Variants in SHISA9 observed in about 807,000 individuals in gnomAD.
The protein encoded by SHISA9 is protein shisa-9.
A neutral mutation model predicts 38.0 loss-of-function variants in SHISA9; 13 were observed. That is an observed-to-expected ratio of 0.34 (90% CI 0.22 to 0.54). The LOEUF (loss-of-function observed/expected upper bound fraction) is 0.54. Ranked by LOEUF, SHISA9 falls within the 20% of genes least tolerant of loss-of-function variation. SHISA9 has a pLI of 0.91. For missense variants in SHISA9, 538 were observed against 575.8 expected, an observed-to-expected ratio of 0.93 and a Z score of 0.67; for synonymous variants, 275 against 242.0, an observed-to-expected ratio of 1.14 and a Z score of -1.27.
chr16:13,529,366 T>C, the SHISA9 span, among the ~76,000 whole-genome samples: 1 of 152,238 alleles, frequency 6.6e-6, no homozygotes, highest in Non-Finnish European at 1.5e-5. Flanking sequence ...TCCTTTCTGC[T>C]GACTCCAAGT....
chr16:13,031,645 G>A (rs1328123901), intron 2 of SHISA9, among the ~76,000 whole-genome samples: 1 of 152,110 alleles, frequency 6.6e-6, no homozygotes, highest in Non-Finnish European at 1.5e-5. Flanking sequence ...TGAATTTTAG[G>A]TCTGCCTCTC....
chr16:13,484,173 CA>C, the SHISA9 span, among the ~76,000 whole-genome samples: 7 of 152,132 alleles, frequency 4.6e-5, no homozygotes, highest in Admixed American at 1.3e-4. Flanking sequence ...GAAAAAAACC[CA>C]TATATTTGGT....
chr16:13,344,046 G>T, the SHISA9 span, among the ~76,000 whole-genome samples: 2 of 152,264 alleles, frequency 1.3e-5, no homozygotes, highest in East Asian at 3.9e-4. Flanking sequence ...ACAGCCTCAG[G>T]ACTACTCTCA....
At chr16:13,232,828 CT>C (rs1273217940) in intron 4 of SHISA9, among the ~76,000 whole-genome samples, 3 of 152,108 alleles carry the variant, frequency 2.0e-5, no homozygotes, top group Admixed American at 6.5e-5. Flanking sequence ...GACCAAGGTT[CT>C]TTTGAAGTCT....
the SHISA9 span, among the ~76,000 whole-genome samples, chr16:13,257,457 G>A: frequency 9.9e-5 from 15 of 152,020 alleles, no homozygotes; most frequent in Admixed American, 5.9e-4. Flanking sequence ...GACAATATCG[G>A]GTATACTGTC....
chr16:13,502,358 T>C, the SHISA9 span, among the ~76,000 whole-genome samples: 2 of 152,174 alleles, frequency 1.3e-5, no homozygotes, highest in African/African-American at 4.8e-5. Flanking sequence ...AATGTCCACG[T>C]GCCAGACGTA....
At position 13,105,410 on chromosome 16, in the gene SHISA9, C is replaced by G. The variant is rs144639031; in HGVS notation, c.692-97984C>G. 3.1e-3 allele frequency among the ~76,000 whole-genome samples: 469 copies of G among 152,298 alleles called. 1 individual carries two copies. Among genetic ancestry groups the G allele is most frequent in the African/African-American group, 0.011 (451 of 41,564 alleles). The stretch of plus-strand genomic sequence containing the variant: ...TTTCAGGCCATCACCCTCCCTCCCA[C>G]TTGCTTACCACAACAGGTCTTCTGG... On this transcript the variant is annotated intron_variant, in intron 2 of 4. Transcript: ENST00000558583.
chr16:13,124,649 A>G (rs1052332874), intron 2 of SHISA9, among the ~76,000 whole-genome samples: 3 of 152,200 alleles, frequency 2.0e-5, no homozygotes, highest in African/African-American at 7.2e-5. Flanking sequence ...CAAAAGACCC[A>G]GAATAGCCAA....
intron 2 of SHISA9, among the ~76,000 whole-genome samples, chr16:13,173,466 C>G (rs891778896): frequency 4.6e-5 from 3 of 65,816 alleles, no homozygotes; most frequent in Admixed American, 1.5e-4. Context: ...AGGACCTGTG[C>G]TGATAATAGG....
chr16:13,299,774 G>A, the SHISA9 span, among the ~76,000 whole-genome samples: 5 of 151,692 alleles, frequency 3.3e-5, no homozygotes, highest in Non-Finnish European at 7.4e-5. Context: ...TAACCATCCT[G>A]TAGAAATGGG....
chr16:13,099,965 G>A (rs1411133013), intron 2 of SHISA9, among the ~76,000 whole-genome samples: 3 of 152,170 alleles, frequency 2.0e-5, no homozygotes, highest in African/African-American at 4.8e-5. Flanking sequence ...ACCTTAGGCA[G>A]GCATCAAGAA....
chr16:12,964,388 T>A (rs1000832474), intron 2 of SHISA9, among the ~76,000 whole-genome samples: 3 of 151,836 alleles, frequency 2.0e-5, no homozygotes, highest in African/African-American at 2.4e-5. Flanking sequence ...CTTTCTGTTT[T>A]TTTTTTTTTC....
chr16:13,443,559 C>T, the SHISA9 span, among the ~76,000 whole-genome samples: 4 of 152,176 alleles, frequency 2.6e-5, no homozygotes, highest in South Asian at 2.1e-4. Flanking sequence ...TGATTGTTTT[C>T]GTTACTACGT....
chr16:13,335,070 C>G, the SHISA9 span, among the ~76,000 whole-genome samples: 1 of 152,184 alleles, frequency 6.6e-6, no homozygotes, highest in Non-Finnish European at 1.5e-5. Flanking sequence ...CAAATTAGTC[C>G]CATGGGGGAC....
chr16:13,439,200 G>A, the SHISA9 span, among the ~76,000 whole-genome samples: 2 of 152,192 alleles, frequency 1.3e-5, no homozygotes, highest in African/African-American at 4.8e-5. Context: ...TATCAAAACA[G>A]TGAGTAGTTT....
chr16:13,200,440 A>ACACACACACACACAG (rs201359350), intron 2 of SHISA9, among the ~76,000 whole-genome samples: 10 of 150,034 alleles, frequency 6.7e-5, no homozygotes, highest in South Asian at 2.1e-4. Context: ...ACACACACAC[A>ACACACACACACACAG]CAGCAGCAGC....
At chr16:13,174,452 C>A (rs1389792014) in intron 2 of SHISA9, among the ~76,000 whole-genome samples, 3 of 152,212 alleles carry the variant, frequency 2.0e-5, no homozygotes, top group East Asian at 3.8e-4. Context: ...GTGCCTATAC[C>A]TCTTCCTTAA....
At chr16:12,945,531 A>G (rs1411887282) in intron 2 of SHISA9, among the ~76,000 whole-genome samples, 3 of 152,204 alleles carry the variant, frequency 2.0e-5, no homozygotes, top group Admixed American at 2.0e-4. Flanking sequence ...ACACATTTTA[A>G]TGCATTTCTT....
At chr16:13,557,688 T>C in the SHISA9 span, among the ~76,000 whole-genome samples, 2 of 152,164 alleles carry the variant, frequency 1.3e-5, no homozygotes, top group Non-Finnish European at 1.5e-5. Flanking sequence ...GATAATTTAC[T>C]GCTCAAGTTC....
Sources: gnomAD v4.1 joint callset for allele counts (sites outside exome capture counted in the v4.1 genomes callset) on GRCh38, gnomAD v4.1.1 for gene constraint, MANE v1.5 for transcripts, NCBI Gene and HGNC (gene_info 2026-07-23, HGNC 2026-07-21) for gene names.